CLPB: variants seen among roughly 807,000 people sequenced by gnomAD.
CLPB encodes the protein ClpB family mitochondrial disaggregase.
Under a neutral mutation model 78.4 loss-of-function variants are expected in CLPB, and 40 were observed. That is an observed-to-expected ratio of 0.51 (90% CI 0.40 to 0.66). CLPB has a LOEUF of 0.66. Ranked by LOEUF, CLPB falls within the 30% of genes least tolerant of loss-of-function variation. The pLI, the probability that CLPB is intolerant of heterozygous loss-of-function variation, is 0.00. For missense variants in CLPB, 780 were observed against 886.9 expected, an observed-to-expected ratio of 0.88 and a Z score of 1.53; for synonymous variants, 333 against 348.0, an observed-to-expected ratio of 0.96 and a Z score of 0.48.
rs1024052613 is a variant in CLPB at position 72,317,141 on chromosome 11, A to G, written c.953T>C (p.Ile318Thr). ...TGTGGCGATGGCGCTCTCCTGGCCA[A>G]TGATGTGCTCCTTTAGTCGCTGCTC... Reference protein sequence around the residue: ...PLEQRLKEHIIGQESAIATVG... With the variant: ...PLEQRLKEHITGQESAIATVG... Residue 318 changes from isoleucine (I) to threonine (T), a missense_variant, in exon 7 of 16, where the codon ATT (isoleucine) becomes ACT (threonine). By Grantham distance (89) the Ile-to-Thr change is moderately conservative. Transcript: ENST00000538039. 5 of 1,612,218 alleles carry G rather than the reference A, an allele frequency of 3.1e-6. No homozygotes were observed. Among genetic ancestry groups the G allele is most frequent in the African/African-American group, 1.3e-5 (1 of 74,992 alleles).
intron 11 of CLPB, among the ~76,000 whole-genome samples, chr11:72,297,014 G>A (rs904055208): frequency 2.0e-5 from 3 of 152,212 alleles, no homozygotes; most frequent in African/African-American, 7.2e-5. Flanking sequence ...GGATGAATGA[G>A]GCCTCGTGCT....
chr11:72,413,923 G>A (rs1210051537), intron 2 of CLPB, among the ~76,000 whole-genome samples: 3 of 152,166 alleles, frequency 2.0e-5, no homozygotes, highest in Admixed American at 1.3e-4. Context: ...TGGTATCCTT[G>A]CCTTCAAAGC....
In CLPB at chr11:72,293,405, C is replaced by G; in HGVS notation, c.1996G>C (p.Ala666Pro). ...CACACCTTCTCAGGGTGCAGTGGTG[C>G]CCGGATGTCCAGTCTGCGAGTCTTG... ...DSKTRRLDIR[A>P]PLHPEKVCNT... is the part of the protein sequence containing the mutation. Residue 666 changes from alanine (A) to proline (P), a missense_variant, in exon 16 of 16, where the codon GCA becomes CCA. Transcript: ENST00000538039. 1 of 1,614,134 alleles carries G rather than the reference C, an allele frequency of 6.2e-7. No homozygotes were observed. Among genetic ancestry groups the G allele is most frequent in the Non-Finnish European group, 8.5e-7 (1 of 1,179,998 alleles).
At chr11:72,359,454 A>G (rs189321170) in intron 4 of CLPB, among the ~76,000 whole-genome samples, 1 of 152,250 alleles carries the variant, frequency 6.6e-6, no homozygotes, top group Non-Finnish European at 1.5e-5. Flanking sequence ...TATGCAGGTA[A>G]AGAAAGCAGG....
chr11:72,380,460 G>A (rs995483168), intron 3 of CLPB, 76 bp from the exon 4 acceptor site: 5 of 1,130,582 alleles, frequency 4.4e-6, no homozygotes, highest in Admixed American at 1.8e-5. Context: ...CCGGAAGCAT[G>A]TTTGGGGACT....
intron 2 of CLPB, among the ~76,000 whole-genome samples, chr11:72,416,631 G>A (rs1856032616): frequency 6.6e-6 from 1 of 151,290 alleles, no homozygotes; most frequent in Non-Finnish European, 1.5e-5. Flanking sequence ...AGCTACTTGG[G>A]AGGCTGAGGC....
At chr11:72,392,507 C>T (rs1855283103) in intron 3 of CLPB, among the ~76,000 whole-genome samples, 2 of 152,124 alleles carry the variant, frequency 1.3e-5, no homozygotes, top group South Asian at 4.1e-4. Context: ...TTTTTAAAGC[C>T]AGATTCCTAA....
At position 72,329,766 on chromosome 11, in the gene CLPB, G is replaced by A. The variant is rs555904749; in HGVS notation, c.814C>T (p.Pro272Ser). The change falls in exon 6 of 16, where the codon CCC (proline) becomes TCC (serine). Residue 272 changes from proline to serine, a missense_variant. Physicochemically the swap from Pro to Ser is moderately conservative, Grantham distance 74 (BLOSUM62 -1). Transcript: ENST00000538039. The stretch of plus-strand genomic sequence containing the variant: ...TCCCCTTCTCGGGCATAATCCAAGG[G>A]TGTGTGTCCCATTTCATTCCTCTGC... ...PLQRNEMGHT[P>S]LDYAREGEVM... The A allele has an allele frequency of 8.7e-6, 14 of 1,613,952 alleles. No individual in the cohort carries two copies. In the South Asian group the frequency reaches 1.4e-4, roughly 16 times the overall value.
chr11:72,346,113 G>T (rs1363611862), intron 5 of CLPB, among the ~76,000 whole-genome samples: 1 of 152,186 alleles, frequency 6.6e-6, no homozygotes, highest in Non-Finnish European at 1.5e-5. Context: ...GGCAGTATTG[G>T]TGTTCTCAGG....
intron 2 of CLPB, among the ~76,000 whole-genome samples, chr11:72,404,931 T>C (rs192541405): frequency 6.6e-6 from 1 of 152,308 alleles, no homozygotes; most frequent in East Asian, 1.9e-4. Flanking sequence ...GCCAAGAATG[T>C]TAAAGACGCT....
intron 2 of CLPB, among the ~76,000 whole-genome samples, chr11:72,416,735 CAAAAAAAAAAAA>C (rs35655496): frequency 7.9e-5 from 4 of 50,658 alleles, no homozygotes; most frequent in Non-Finnish European, 2.0e-4. Flanking sequence ...GACTCCGTCT[CAAAAAAAAAAAA>C]AAAAAAAAGA....
Position 72,359,304 on chromosome 11 carries a change from G to T in CLPB, c.647-296C>A. On this transcript the variant is annotated intron_variant, in intron 4 of 15. Coordinates refer to ENST00000538039, the MANE Select transcript of CLPB (RefSeq NM_001258392.3). Reference sequence around the variant, plus strand: ...CAAGGGAGGCAGACAATAACCAGATGTTTATAGAACTGTTTGAGATAAATG... The same window carrying T: ...CAAGGGAGGCAGACAATAACCAGATTTTTATAGAACTGTTTGAGATAAATG... 2 of 506,234 alleles carry T rather than the reference G, an allele frequency of 4.0e-6. 1 individual carries two copies. Among genetic ancestry groups the T allele is most frequent in the South Asian group, 3.5e-5 (2 of 56,424 alleles). The allele number at this position is 506,234 out of a possible 1,614,324, so 31.4% of individuals were successfully genotyped here.
chr11:72,329,951 C>G, intron 5 of CLPB, 147 bp from the exon 6 acceptor site: 1 of 602,612 alleles, frequency 1.7e-6, no homozygotes, highest in Non-Finnish European at 3.0e-6. Context: ...TACTGGGGCT[C>G]CTACATGTGC....
At chr11:72,372,895 G>C in intron 4 of CLPB, 5 of 1,583,852 alleles carry the variant, frequency 3.2e-6, no homozygotes, top group Non-Finnish European at 4.3e-6. Flanking sequence ...TGGGGAGGGG[G>C]AGAAATATTA....
rs199601559 is a variant in CLPB at position 72,358,996 on chromosome 11, C to T, written c.659G>A (p.Arg220Gln). 5.6e-6 allele frequency: 9 copies of T among 1,613,600 alleles called. No individual in the cohort carries two copies. Among genetic ancestry groups the T allele is most frequent in the East Asian group, 4.5e-5 (2 of 44,868 alleles). Residue 220 changes from arginine (R) to glutamine (Q), a missense_variant, in exon 5 of 16, where the codon CGA (arginine) becomes CAA (glutamine). This residue lies in a region of CLPB where 417 missense variants were observed against 414.7 expected (regional missense o/e 1.01). Transcript: ENST00000538039. ...GIHSLEVLIT[R>Q]EDDFNNRLNN... ...CAGCCTGTTGTTGAAGTCATCCTCTCGGGTGATCAGGACTGGGGAGACAGC... is the reference window on the plus strand; with the variant it reads ...CAGCCTGTTGTTGAAGTCATCCTCTTGGGTGATCAGGACTGGGGAGACAGC...
At chr11:72,301,770 C>A (rs774584345) in intron 11 of CLPB, 33 bp downstream of exon 11, 5 of 1,601,750 alleles carry the variant, frequency 3.1e-6, no homozygotes, top group Non-Finnish European at 3.4e-6. Flanking sequence ...CTCCAGGTGT[C>A]CCCCCGCTCC....
At chr11:72,316,328 T>TTTG (rs1195344256) in intron 7 of CLPB, among the ~76,000 whole-genome samples, 2 of 152,202 alleles carry the variant, frequency 1.3e-5, no homozygotes, top group African/African-American at 4.8e-5. Flanking sequence ...GACCATGCTT[T>TTTG]GAGAACCACT....
At chr11:72,399,263 C>T (rs1274500541) in intron 3 of CLPB, among the ~76,000 whole-genome samples, 1 of 151,808 alleles carries the variant, frequency 6.6e-6, no homozygotes, top group Non-Finnish European at 1.5e-5. Context: ...AAAGGGAATT[C>T]AGGTGACTAC....
chr11:72,337,935 T>C (rs961339957), intron 5 of CLPB, among the ~76,000 whole-genome samples: 1 of 152,222 alleles, frequency 6.6e-6, no homozygotes. Flanking sequence ...TGACACACAT[T>C]AAGTAACCTC....
Sources: allele counts gnomAD v4.1 joint callset (sites outside exome capture counted in the v4.1 genomes callset), GRCh38; gene constraint gnomAD v4.1.1; regional missense constraint gnomAD v4.1.1; transcripts MANE v1.5; gene names NCBI Gene and HGNC (gene_info 2026-07-23, HGNC 2026-07-21).